The following RANBP17 variants were observed in gnomAD, a reference collection of about 807,000 sequenced individuals.
The protein encoded by RANBP17 is ran-binding protein 17.
In RANBP17, 158 loss-of-function variants were observed where a neutral mutation model predicts 141.2. That is an observed-to-expected ratio of 1.12 (90% confidence interval 0.98 to 1.28). The LOEUF is 1.28. RANBP17 is among the 50% of genes most tolerant of loss of function. The pLI is 0.00. For synonymous variants in RANBP17, 430 were observed against 450.0 expected (o/e 0.96, Z 0.56); for missense variants, 1,438 against 1,290.7 (o/e 1.11, Z -1.75).
intron 14 of RANBP17, among the ~76,000 whole-genome samples, chr5:171,063,020 T>G (rs894662966): frequency 2.8e-4 from 43 of 152,242 alleles, no homozygotes; most frequent in African/African-American, 1.0e-3. Context: ...TCAGCTCCTT[T>G]AAGCACTTCT....
intron 5 of RANBP17, among the ~76,000 whole-genome samples, chr5:170,909,357 A>C (rs1771333938): frequency 1.3e-5 from 2 of 151,812 alleles, no homozygotes. Flanking sequence ...TACAGGTGGA[A>C]TGTGAGGAAC....
intron 24 of RANBP17, chr5:171,243,040 A>C (rs1764986777): frequency 1.9e-6 from 1 of 530,826 alleles, no homozygotes; most frequent in Non-Finnish European, 3.3e-6. Context: ...TATAATTTAC[A>C]TACAATAAAA....
At chr5:171,028,048 A>C (rs902337979) in intron 14 of RANBP17, among the ~76,000 whole-genome samples, 2 of 152,066 alleles carry the variant, frequency 1.3e-5, no homozygotes, top group Admixed American at 1.3e-4. Flanking sequence ...CATACATACC[A>C]ATAACATTGA....
chr5:171,288,615 T>C (rs1016188643), intron 25 of RANBP17, among the ~76,000 whole-genome samples: 15 of 152,188 alleles, frequency 9.9e-5, no homozygotes, highest in African/African-American at 3.6e-4. Flanking sequence ...GAACCTCAGA[T>C]CCTTAGTCTA....
At chr5:171,202,967 G>A (rs563319244) in intron 19 of RANBP17, among the ~76,000 whole-genome samples, 44 of 152,204 alleles carry the variant, frequency 2.9e-4, no homozygotes, top group African/African-American at 5.1e-4. Flanking sequence ...AAGGAGCCTC[G>A]TTTCAGCTGT....
At chr5:171,025,599 A>G (rs964483648) in intron 14 of RANBP17, among the ~76,000 whole-genome samples, 6 of 140,614 alleles carry the variant, frequency 4.3e-5, no homozygotes, top group African/African-American at 1.6e-4. Context: ...TTTTTTTGAG[A>G]CAGAATATCA....
At chr5:170,893,104 A>T (rs1299121801) in intron 4 of RANBP17, among the ~76,000 whole-genome samples, 1 of 152,200 alleles carries the variant, frequency 6.6e-6, no homozygotes, top group Non-Finnish European at 1.5e-5. Context: ...CATTGTATAT[A>T]GGTATCAAAT....
At chr5:170,922,060 T>G (rs954196290) in intron 11 of RANBP17, among the ~76,000 whole-genome samples, 4 of 151,732 alleles carry the variant, frequency 2.6e-5, no homozygotes, top group African/African-American at 9.7e-5. Flanking sequence ...CCTTTCTGTT[T>G]GTTAGTTTTC....
chr5:170,956,001 T>C (rs962303737), intron 13 of RANBP17, among the ~76,000 whole-genome samples: 1 of 151,384 alleles, frequency 6.6e-6, no homozygotes, highest in African/African-American at 2.4e-5. Context: ...TTTTTTCCAC[T>C]TCTGATTAAT....
At chr5:170,989,853 G>A (rs1778387775) in intron 14 of RANBP17, among the ~76,000 whole-genome samples, 1 of 151,812 alleles carries the variant, frequency 6.6e-6, no homozygotes, top group Non-Finnish European at 1.5e-5. Context: ...CAACTTTCAT[G>A]TATACAGTAT....
intron 5 of RANBP17, among the ~76,000 whole-genome samples, chr5:170,906,471 C>T (rs1771084942): frequency 6.6e-6 from 1 of 151,932 alleles, no homozygotes; most frequent in African/African-American, 2.4e-5. Flanking sequence ...TATCAGGAAG[C>T]ATGTGATGAT....
At chr5:171,089,653 A>G (rs375503384) in intron 14 of RANBP17, among the ~76,000 whole-genome samples, 27 of 150,272 alleles carry the variant, frequency 1.8e-4, no homozygotes, top group South Asian at 2.1e-4. Flanking sequence ...GTGGGATATA[A>G]TCTCGTGGTG....
At chr5:171,136,789 G>A (rs111503512) in intron 14 of RANBP17, among the ~76,000 whole-genome samples, 13 of 152,162 alleles carry the variant, frequency 8.5e-5, no homozygotes, top group African/African-American at 2.2e-4. Context: ...TTAATTTTCC[G>A]CTTGATGTAC....
chr5:170,907,835 A>G (rs932148370), intron 5 of RANBP17, among the ~76,000 whole-genome samples: 3 of 152,004 alleles, frequency 2.0e-5, no homozygotes, highest in Non-Finnish European at 4.4e-5. Flanking sequence ...ATTTGATTTA[A>G]ATTAATCAAG....
At position 171,183,178 on chromosome 5, in the gene RANBP17, TA is replaced by T; in HGVS notation, c.1884del (p.Lys628AsnfsTer3). On this transcript the variant is annotated frameshift_variant, in exon 17 of 28. Coordinates refer to ENST00000523189, the MANE Select transcript of RANBP17 (RefSeq NM_022897.5). LOFTEE classifies it high-confidence loss of function. ...LNDLSVGYIL[L>X]KKLVKIDAVK... ...TTAACTTCTATTACTTATATCCTTT[TA>T]AAAAAACTTGTGAAGATAGATGCTG... The T allele has an allele frequency of 2.6e-6, 4 of 1,547,822 alleles. No individual in the cohort carries two copies. Among genetic ancestry groups the T allele is most frequent in the Non-Finnish European group, 1.8e-6 (2 of 1,119,996 alleles).
intron 14 of RANBP17, among the ~76,000 whole-genome samples, chr5:171,083,405 G>C (rs1372097323): frequency 2.6e-5 from 4 of 152,118 alleles, no homozygotes; most frequent in African/African-American, 9.7e-5. Context: ...ACCTGACTAT[G>C]CTGGCATCCT....
chr5:170,917,165 C>T (rs1342297672), intron 9 of RANBP17, among the ~76,000 whole-genome samples: 1 of 152,140 alleles, frequency 6.6e-6, no homozygotes, highest in Non-Finnish European at 1.5e-5. Context: ...CATTGTATTA[C>T]ATTTCTTTGC....
chr5:171,131,251 A>G (rs564763561), intron 14 of RANBP17, among the ~76,000 whole-genome samples: 12 of 152,338 alleles, frequency 7.9e-5, no homozygotes, highest in African/African-American at 2.9e-4. Flanking sequence ...CTCCTTAAAA[A>G]TATTAAGATT....
chr5:171,034,063 G>A (rs755517063), intron 14 of RANBP17, among the ~76,000 whole-genome samples: 9 of 152,078 alleles, frequency 5.9e-5, no homozygotes, highest in Non-Finnish European at 8.8e-5. Context: ...AGTGAACCCT[G>A]ATGGGGCCAC....
Sources: gnomAD v4.1 joint callset for allele counts (sites outside exome capture counted in the v4.1 genomes callset) on GRCh38, gnomAD v4.1.1 for gene constraint, MANE v1.5 for transcripts, NCBI Gene and HGNC (gene_info 2026-07-23, HGNC 2026-07-21) for gene names.